PRSS3: variants seen among roughly 807,000 people sequenced by gnomAD.
PRSS3 encodes trypsin-3.
A neutral mutation model predicts 20.8 loss-of-function variants in PRSS3; 14 were observed. The ratio of observed to expected loss-of-function variants is 0.67; its 90% CI spans 0.44 to 1.05. The LOEUF (loss-of-function observed/expected upper bound fraction) is 1.05. Ranked by LOEUF, PRSS3 falls within the 50% of genes least tolerant of loss-of-function variation. The pLI, the probability that PRSS3 is intolerant of heterozygous loss-of-function variation, is 0.00. For synonymous variants in PRSS3, 91 were observed against 117.6 expected (o/e 0.77, Z 1.46); for missense variants, 237 against 306.4 (o/e 0.77, Z 1.69).
chr9:33,785,203 A>C (rs1178227014), intron 1 of PRSS3, among the ~76,000 whole-genome samples: 1 of 66,462 alleles, frequency 1.5e-5, no homozygotes, highest in Non-Finnish European at 2.4e-5. Context: ...TTTGAGACGG[A>C]GTCTCGCTCT....
intron 1 of PRSS3, among the ~76,000 whole-genome samples, chr9:33,789,615 T>A (rs1044020693): frequency 1.4e-4 from 22 of 152,198 alleles, no homozygotes; most frequent in African/African-American, 4.3e-4. Context: ...AGTTTCCACG[T>A]GTACTAATTC....
At chr9:33,791,903 G>C (rs190150346), upstream of PRSS3, among the ~76,000 whole-genome samples, 1 of 152,278 alleles carries the variant, frequency 6.6e-6, no homozygotes, top group African/African-American at 2.4e-5. Context: ...GCTTCAAGGT[G>C]GGGAGCAGCT....
chr9:33,761,128 T>C (rs1293980694), intron 1 of PRSS3, among the ~76,000 whole-genome samples: 2 of 152,208 alleles, frequency 1.3e-5, no homozygotes, highest in Admixed American at 1.3e-4. Context: ...AGGGACATGT[T>C]CTGAGAAATG....
At chr9:33,798,883 T>C (rs958306309) in intron 4 of PRSS3, 145 bp from the exon 5 acceptor site, 19 of 1,199,402 alleles carry the variant, frequency 1.6e-5, no homozygotes, top group Non-Finnish European at 2.3e-5. Context: ...GCTGCCTGCT[T>C]AGGAAGAACA....
At chr9:33,774,462 G>C (rs1823833926) in intron 1 of PRSS3, among the ~76,000 whole-genome samples, 1 of 152,192 alleles carries the variant, frequency 6.6e-6, no homozygotes, top group Non-Finnish European at 1.5e-5. Context: ...CAAGTACACA[G>C]AGGCAGACAA....
At position 33,798,477 on chromosome 9, in the gene PRSS3, T is replaced by C. The variant is rs1216327031; in HGVS notation, c.455-9T>C. On this transcript the variant is annotated splice_polypyrimidine_tract_variant and intron_variant, in intron 3 of 4. Transcript: ENST00000379405. ...TCTACTTTCTTTGATCTCTTCCTGATCCTCACAGCTGACTACCCAGACGAG... is the reference window on the plus strand; with the variant it reads ...TCTACTTTCTTTGATCTCTTCCTGACCCTCACAGCTGACTACCCAGACGAG... The C allele has an allele frequency of 6.2e-7, 1 of 1,614,022 alleles. No homozygotes were observed. Among genetic ancestry groups the C allele is most frequent in the South Asian group, 1.1e-5 (1 of 91,078 alleles).
chr9:33,783,169 T>G (rs1350378638), intron 1 of PRSS3, among the ~76,000 whole-genome samples: 3 of 152,230 alleles, frequency 2.0e-5, no homozygotes, highest in East Asian at 3.8e-4. Context: ...AAGAATAATT[T>G]ATAATGAAAT....
At chr9:33,783,216 G>A (rs556113672) in intron 1 of PRSS3, among the ~76,000 whole-genome samples, 3 of 152,160 alleles carry the variant, frequency 2.0e-5, no homozygotes, top group South Asian at 4.1e-4. Flanking sequence ...TAGCAGTGAG[G>A]AAAACTAAAG....
At chr9:33,779,634 C>T (rs1375924576) in intron 1 of PRSS3, among the ~76,000 whole-genome samples, 2 of 151,896 alleles carry the variant, frequency 1.3e-5, no homozygotes, top group African/African-American at 2.4e-5. Context: ...TCTGGGAGGC[C>T]GAGGCCGGCA....
intron 1 of PRSS3, among the ~76,000 whole-genome samples, chr9:33,762,859 G>A (rs1640451034): frequency 6.6e-6 from 1 of 152,144 alleles, no homozygotes; most frequent in African/African-American, 2.4e-5. Context: ...TATTATTGCG[G>A]GAATAGTGTA....
intron 1 of PRSS3, among the ~76,000 whole-genome samples, chr9:33,771,137 G>A (rs887037297): frequency 6.6e-6 from 1 of 152,088 alleles, no homozygotes; most frequent in African/African-American, 2.4e-5. Flanking sequence ...GCTTCCCAAA[G>A]CCCTTTAGTC....
At chr9:33,798,684 G>T (rs897321603) in intron 4 of PRSS3, 62 bp downstream of exon 4, 1 of 1,582,656 alleles carries the variant, frequency 6.3e-7, no homozygotes, top group Non-Finnish European at 8.6e-7. Context: ...CGGGGAAAAA[G>T]ATTTGAACTC....
chr9:33,763,879 G>A (rs1264909875), intron 1 of PRSS3, among the ~76,000 whole-genome samples: 1 of 152,092 alleles, frequency 6.6e-6, no homozygotes, highest in Admixed American at 6.6e-5. Context: ...GTTTTTCCAG[G>A]AAGCTTTCAT....
chr9:33,777,606 G>A (rs1221307015), intron 1 of PRSS3, among the ~76,000 whole-genome samples: 4 of 150,864 alleles, frequency 2.7e-5, no homozygotes, highest in Non-Finnish European at 4.4e-5. Flanking sequence ...TACTCGGGAG[G>A]CTGAGGCAGG....
Position 33,798,541 on chromosome 9 carries a change from G to A in PRSS3, c.510G>A (p.Glu170=). 6.2e-7 allele frequency: 1 copy of A among 1,614,166 alleles called. No homozygotes were observed. Among genetic ancestry groups the A allele is most frequent in the Non-Finnish European group, 8.5e-7 (1 of 1,180,032 alleles). Residue 170 remains glutamate, a synonymous_variant, in exon 4 of 5, where the codon GAG becomes GAA. Transcript: ENST00000379405. ...ATGCTCCGGTGCTGACCCAGGCTGA[G>A]TGTAAAGCCTCCTACCCTGGAAAGA... The part of the protein sequence containing the change: ...CLDAPVLTQA[E]CKASYPGKIT...
At chr9:33,789,726 A>G (rs1017574099) in intron 1 of PRSS3, among the ~76,000 whole-genome samples, 3 of 152,142 alleles carry the variant, frequency 2.0e-5, no homozygotes, top group Middle Eastern at 3.2e-3. Flanking sequence ...GAAGTTGACA[A>G]ATTTACCTAC....
chr9:33,773,518 A>G (rs902567439), intron 1 of PRSS3, among the ~76,000 whole-genome samples: 3 of 152,196 alleles, frequency 2.0e-5, no homozygotes, highest in African/African-American at 7.2e-5. Flanking sequence ...CAAAGTTACT[A>G]CTTGTCCAAA....
At chr9:33,770,169 C>T (rs866435052) in intron 1 of PRSS3, among the ~76,000 whole-genome samples, 9 of 151,668 alleles carry the variant, frequency 5.9e-5, no homozygotes, top group East Asian at 1.9e-4. Context: ...AAAAATTGAA[C>T]GGAATTTGCC....
chr9:33,755,985 T>C (rs780142192), intron 1 of PRSS3, among the ~76,000 whole-genome samples: 1 of 152,226 alleles, frequency 6.6e-6, no homozygotes, highest in Non-Finnish European at 1.5e-5. Context: ...GGCCATCTCT[T>C]GTGGAATACA....
Sources: gnomAD v4.1 joint callset for allele counts (sites outside exome capture counted in the v4.1 genomes callset) on GRCh38, gnomAD v4.1.1 for gene constraint, MANE v1.5 for transcripts, NCBI Gene and HGNC (gene_info 2026-07-23, HGNC 2026-07-21) for gene names.